ARHGEF6: variants seen among roughly 807,000 people sequenced by gnomAD.
ARHGEF6 encodes the protein Rac/Cdc42 guanine nucleotide exchange factor 6.
A neutral mutation model predicts 70.3 loss-of-function variants in ARHGEF6; 9 were observed. That is an observed-to-expected ratio of 0.13 (90% CI 0.08 to 0.22). The LOEUF is 0.22. Among genes scored for constraint, ARHGEF6 ranks in the 10% least tolerant of loss-of-function variants. ARHGEF6 has a pLI of 1.00. For synonymous variants in ARHGEF6, 201 were observed against 207.8 expected (o/e 0.97, Z 0.28); for missense variants, 470 against 563.0 (o/e 0.83, Z 1.67).
intron 5 of ARHGEF6, among the ~76,000 whole-genome samples, chrX:136,741,889 C>T (rs1235081603): frequency 9.0e-6 from 1 of 111,493 alleles, no homozygotes. Flanking sequence ...GAATTGAGCC[C>T]TTAATGAGAT....
At chrX:136,742,139 T>C (rs2077049126) in intron 5 of ARHGEF6, among the ~76,000 whole-genome samples, 2 of 111,011 alleles carry the variant, frequency 1.8e-5, no homozygotes, top group Non-Finnish European at 3.8e-5. Context: ...GCTAACACGG[T>C]GAAACCCCAT....
intron 5 of ARHGEF6, among the ~76,000 whole-genome samples, chrX:136,735,223 TA>T (rs747807767): frequency 1.8e-5 from 2 of 111,315 alleles, no homozygotes; most frequent in Non-Finnish European, 3.8e-5. Context: ...TTGGAAAGTC[TA>T]AAAAAATGTA....
At chrX:136,777,389 A>G (rs755749293) in intron 2 of ARHGEF6, among the ~76,000 whole-genome samples, 1 of 109,021 alleles carries the variant, frequency 9.2e-6, no homozygotes, top group East Asian at 2.8e-4. Context: ...CCACAATGAG[A>G]TATCACCTCA....
intron 9 of ARHGEF6, among the ~76,000 whole-genome samples, chrX:136,700,636 C>T (rs2076561451): frequency 8.9e-6 from 1 of 111,971 alleles, no homozygotes; most frequent in African/African-American, 3.2e-5. Context: ...TAAACACAGG[C>T]AAGATCCTAG....
chrX:136,713,281 A>G lies in ARHGEF6; in HGVS notation c.822T>C (p.Asn274=). The G allele has an allele frequency of 8.4e-7, 1 of 1,191,988 alleles. No homozygotes were observed. Among genetic ancestry groups the G allele is most frequent in the Non-Finnish European group, 1.1e-6 (1 of 877,978 alleles). ...LVTYLRPLQS[N]NNLSTVEVTS... is the part of the protein sequence containing the mutation. ...ATTTAAAATAAACATCTTACTTGTT[A>G]TTGGACTGCAGGGGTCTTAAGTAAG... The change falls in exon 7 of 22, where the codon AAT becomes AAC. Residue 274 remains asparagine, a synonymous_variant. Transcript: ENST00000250617.
chrX:136,691,732 C>A (rs1174583426), intron 9 of ARHGEF6, among the ~76,000 whole-genome samples: 2 of 111,836 alleles, frequency 1.8e-5, no homozygotes, highest in Non-Finnish European at 3.8e-5. Flanking sequence ...ATCTGGCTCA[C>A]TTCAATAGAC....
At chrX:136,668,488 A>G (rs983069793) in intron 21 of ARHGEF6, among the ~76,000 whole-genome samples, 2 of 109,525 alleles carry the variant, frequency 1.8e-5, no homozygotes, top group Non-Finnish European at 3.8e-5. Flanking sequence ...AATCGGGTCC[A>G]CAATCTCAAC....
At chrX:136,671,188 C>T (rs752359901) in intron 20 of ARHGEF6, among the ~76,000 whole-genome samples, 1 of 112,260 alleles carries the variant, frequency 8.9e-6, no homozygotes, top group African/African-American at 3.2e-5. Context: ...GAAACTGAGG[C>T]ACAGAGAGGT....
intron 9 of ARHGEF6, among the ~76,000 whole-genome samples, chrX:136,704,065 A>G (rs915499276): frequency 1.5e-4 from 17 of 112,580 alleles, no homozygotes; most frequent in Admixed American, 1.5e-3. Context: ...GAACTGTTGC[A>G]ACTCAACAAT....
chrX:136,679,579 G>T lies in ARHGEF6; in HGVS notation c.1786C>A (p.Pro596Thr), dbSNP rs771876538. The change falls in exon 16 of 22, where the codon CCT (proline) becomes ACT (threonine). Residue 596 changes from proline to threonine, a missense_variant. Pro to Thr is a conservative substitution (Grantham distance 38, BLOSUM62 -1). Transcript: ENST00000250617. The stretch of plus-strand genomic sequence containing the variant: ...GCTGATGGTCTAAGTGGAGGTGCAG[G>T]TCGTAGACAACTTAAACTCCACGGT... Reference protein sequence around the residue: ...IKPWSLSCLRPAPPLRPSAAL... With the variant: ...IKPWSLSCLRTAPPLRPSAAL... The T allele has an allele frequency of 1.7e-6, 2 of 1,211,143 alleles. No individual in the cohort carries two copies. The highest frequency in any genetic ancestry group is 2.2e-6 in the Non-Finnish European group (2 of 894,893).
intron 9 of ARHGEF6, among the ~76,000 whole-genome samples, chrX:136,692,281 AG>A (rs1242427691): frequency 8.9e-6 from 1 of 111,777 alleles, no homozygotes; most frequent in African/African-American, 3.3e-5. Flanking sequence ...TTATAGAGAC[AG>A]GGTTTTGCCA....
At chrX:136,722,407 T>C (rs1476371643) in intron 6 of ARHGEF6, among the ~76,000 whole-genome samples, 1 of 111,997 alleles carries the variant, frequency 8.9e-6, no homozygotes, top group African/African-American at 3.2e-5. Context: ...GAAGAAATAT[T>C]TGCAAATCAT....
chrX:136,686,599 T>TATATATATATATATATATATATATACAC (rs2076391804), intron 11 of ARHGEF6, among the ~76,000 whole-genome samples: 4 of 71,632 alleles, frequency 5.6e-5, no homozygotes, highest in African/African-American at 7.8e-5. Context: ...TGTGTGTATA[T>TATATATATATATATATATATATATACAC]ATATATATAT....
At chrX:136,690,860 G>A (rs2076451313) in intron 9 of ARHGEF6, 112 bp from the exon 10 acceptor site, 2 of 853,335 alleles carry the variant, frequency 2.3e-6, no homozygotes, top group African/African-American at 4.0e-5. Context: ...ATAAAAATGT[G>A]TTTTACTAGT....
chrX:136,767,969 C>T (rs1167617073), intron 2 of ARHGEF6, among the ~76,000 whole-genome samples: 2 of 112,606 alleles, frequency 1.8e-5, no homozygotes, highest in Admixed American at 1.9e-4. Flanking sequence ...CGAGGGCTGC[C>T]GGTGCCTGGC....
Position 136,705,793 on chromosome X carries a change from G to A in ARHGEF6, c.1046+1115C>T, listed in dbSNP as rs531936414. On this transcript the variant is annotated intron_variant, in intron 9 of 21. Transcript: ENST00000250617. ...TTGACCTTCAAGCAGGACTTACTGC[G>A]TTCAACCTTTAAAATGTCCTTACAT... Among the ~76,000 whole-genome samples, 100 of 112,166 alleles carry A rather than the reference G, an allele frequency of 8.9e-4. 1 individual carries two copies. Among genetic ancestry groups the A allele is most frequent in the African/African-American group, 2.8e-3 (87 of 30,863 alleles).
At chrX:136,715,899 C>T (rs1425989908) in intron 6 of ARHGEF6, among the ~76,000 whole-genome samples, 1 of 112,488 alleles carries the variant, frequency 8.9e-6, no homozygotes, top group East Asian at 2.8e-4. Context: ...TTTACCAGAG[C>T]ATAACCTATT....
chrX:136,708,152 A>G (rs1202119076), intron 8 of ARHGEF6, among the ~76,000 whole-genome samples: 1 of 111,348 alleles, frequency 9.0e-6, no homozygotes, highest in Non-Finnish European at 1.9e-5. Flanking sequence ...GGTGTCATTC[A>G]TGGTCAATTA....
At chrX:136,673,588 G>C (rs1423075929) in intron 19 of ARHGEF6, among the ~76,000 whole-genome samples, 1 of 111,209 alleles carries the variant, frequency 9.0e-6, no homozygotes, top group Non-Finnish European at 1.9e-5. Context: ...TGCGGGAGGA[G>C]ATGAGGTCAG....
Sources: allele counts gnomAD v4.1 joint callset (sites outside exome capture counted in the v4.1 genomes callset), GRCh38; gene constraint gnomAD v4.1.1; transcripts MANE v1.5; gene names NCBI Gene and HGNC (gene_info 2026-07-23, HGNC 2026-07-21).